SF3A3: variants seen among roughly 807,000 people sequenced by gnomAD.
SF3A3 encodes the protein splicing factor 3a subunit 3.
In SF3A3, 9 loss-of-function variants were observed where a neutral mutation model predicts 85.8. The ratio of observed to expected loss-of-function variants is 0.10; its 90% CI spans 0.06 to 0.18. SF3A3 has a LOEUF of 0.18. Among genes scored for constraint, SF3A3 ranks in the 10% least tolerant of loss-of-function variants. SF3A3 has a pLI of 1.00. For missense variants in SF3A3, 306 were observed against 593.3 expected (o/e 0.52, Z 5.03); for synonymous variants, 195 against 204.4 (o/e 0.95, Z 0.39).
intron 12 of SF3A3, among the ~76,000 whole-genome samples, chr1:37,974,069 C>T (rs1403077142): frequency 1.3e-5 from 2 of 151,760 alleles, no homozygotes; most frequent in Admixed American, 6.6e-5. Context: ...CATCACACAT[C>T]GGGACCTGTT....
chr1:37,968,880 T>TA (rs957387336), intron 14 of SF3A3, among the ~76,000 whole-genome samples: 2 of 152,198 alleles, frequency 1.3e-5, no homozygotes, highest in African/African-American at 4.8e-5. Flanking sequence ...TGAGCCCACT[T>TA]ACAGCAGTAT....
chr1:37,971,047 C>A (rs556720854), intron 12 of SF3A3, among the ~76,000 whole-genome samples: 1 of 151,506 alleles, frequency 6.6e-6, no homozygotes, highest in Non-Finnish European at 1.5e-5. Context: ...AAAAACCCTT[C>A]AAAAAAAATC....
intron 6 of SF3A3, among the ~76,000 whole-genome samples, chr1:37,982,075 G>A (rs1646423095): frequency 7.3e-6 from 1 of 136,498 alleles, no homozygotes; most frequent in East Asian, 1.9e-4. Context: ...TAAAAGAAAC[G>A]TTTGTCGATT....
intron 1 of SF3A3, 57 bp from the exon 2 acceptor site, chr1:37,989,652 G>T (rs1044906278): frequency 1.3e-6 from 2 of 1,591,048 alleles, no homozygotes; most frequent in Middle Eastern, 1.7e-4. Context: ...AGTAGAAAAG[G>T]CCGCCCGAGG....
intron 15 of SF3A3, chr1:37,960,416 C>T (rs533689936): frequency 1.1e-4 from 53 of 471,994 alleles, no homozygotes; most frequent in African/African-American, 6.5e-4. Flanking sequence ...CAAAGACCTC[C>T]GAAAACAGAG....
chr1:37,988,741 A>G (rs933159737), intron 2 of SF3A3, among the ~76,000 whole-genome samples: 3 of 152,112 alleles, frequency 2.0e-5, no homozygotes, highest in African/African-American at 4.8e-5. Flanking sequence ...ACCCAGTTTA[A>G]ATAGCATCTT....
intron 15 of SF3A3, among the ~76,000 whole-genome samples, chr1:37,965,302 C>CAAAAAAAAAA (rs55747818): frequency 1.0e-5 from 1 of 100,418 alleles, no homozygotes; most frequent in African/African-American, 4.0e-5. Flanking sequence ...CCCATCGGCA[C>CAAAAAAAAAA]AAAAAAAAAA....
At chr1:37,980,840 T>C in intron 7 of SF3A3, 116 bp from the exon 8 acceptor site, 7 of 283,916 alleles carry the variant, frequency 2.5e-5, no homozygotes, top group East Asian at 1.3e-4. Flanking sequence ...TTTTTAATAC[T>C]CTTTTTTTTT....
At chr1:37,961,799 A>AGGCCGG (rs1247870736) in intron 15 of SF3A3, among the ~76,000 whole-genome samples, 2 of 148,830 alleles carry the variant, frequency 1.3e-5, no homozygotes, top group African/African-American at 4.9e-5. Flanking sequence ...AAAGAAAAAA[A>AGGCCGG]GGCCGGGCGC....
Position 37,989,557 on chromosome 1 carries a change from G to A in SF3A3, c.135C>T (p.Ala45=). 6.2e-7 allele frequency: 1 copy of A among 1,613,942 alleles called. No individual in the cohort carries two copies. Among genetic ancestry groups the A allele is most frequent in the Non-Finnish European group, 8.5e-7 (1 of 1,179,970 alleles). The change falls in exon 2 of 17, where the codon GCC becomes GCT. Residue 45 remains alanine, a synonymous_variant. Coordinates refer to ENST00000373019, the MANE Select transcript of SF3A3 (RefSeq NM_006802.4). ...ACAGCTGGGCACTCACATCTTGCAT[G>A]GCCCGAGTGCGGTGATCAGAATTGA... The part of the protein sequence containing the change: ...DQINSDHRTR[A]MQDRYMEVSG...
At chr1:37,963,562 C>CTT (rs900596842) in intron 15 of SF3A3, among the ~76,000 whole-genome samples, 3 of 144,600 alleles carry the variant, frequency 2.1e-5, no homozygotes, top group Admixed American at 6.9e-5. Flanking sequence ...AATGATAATT[C>CTT]TTTTTTTTTT....
rs1336340305 is a variant in SF3A3 at position 37,987,501 on chromosome 1, A to C, written c.303+72T>G. 3.7e-6 allele frequency: 4 copies of C among 1,086,992 alleles called. No individual in the cohort carries two copies. In the African/African-American group the frequency reaches 6.3e-5, roughly 17 times the overall value. 67.3% of individuals were successfully genotyped at this position (1,086,992 alleles called of 1,614,324 possible). On this transcript the variant is annotated intron_variant, in intron 4 of 16. Coordinates refer to ENST00000373019, the MANE Select transcript of SF3A3 (RefSeq NM_006802.4). ...AAGTGCATTTGAATAGCACATGTCC[A>C]GTTTCCTTTATACCTTTCCTTTAGT...
chr1:37,964,240 A>G (rs1646283106), intron 15 of SF3A3, among the ~76,000 whole-genome samples: 1 of 152,166 alleles, frequency 6.6e-6, no homozygotes, highest in South Asian at 2.1e-4. Flanking sequence ...TCTTTCTAGA[A>G]AGACTCTTAA....
At chr1:37,965,961 G>T (rs1472303318) in intron 15 of SF3A3, among the ~76,000 whole-genome samples, 1 of 152,158 alleles carries the variant, frequency 6.6e-6, no homozygotes, top group Non-Finnish European at 1.5e-5. Flanking sequence ...AGTACTTTGG[G>T]AAGCCAAGGC....
At chr1:37,984,673 G>A in intron 5 of SF3A3, 34 bp downstream of exon 5, 1 of 1,368,246 alleles carries the variant, frequency 7.3e-7, no homozygotes, top group East Asian at 2.3e-5. Context: ...CTGTATTTTT[G>A]CTGGTGCTGA....
At chr1:37,980,760 G>C (rs1646412441) in intron 7 of SF3A3, 36 bp from the exon 8 acceptor site, 1 of 1,543,620 alleles carries the variant, frequency 6.5e-7, no homozygotes. Context: ...AAAGCAAAAA[G>C]GGTTTCTATT....
intron 15 of SF3A3, among the ~76,000 whole-genome samples, chr1:37,965,325 T>G (rs990724420): frequency 8.3e-5 from 7 of 84,840 alleles, no homozygotes; most frequent in Admixed American, 3.8e-4. Flanking sequence ...AAAAAGAAAA[T>G]AAACTCAGAA....
intron 2 of SF3A3, among the ~76,000 whole-genome samples, chr1:37,989,140 C>G (rs1173511484): frequency 6.6e-6 from 1 of 151,754 alleles, no homozygotes; most frequent in East Asian, 1.9e-4. Flanking sequence ...ACTAAAAATA[C>G]AAAAATTAGC....
At chr1:37,989,410 T>C (rs1646478840) in intron 2 of SF3A3, 138 bp downstream of exon 2, 5 of 777,164 alleles carry the variant, frequency 6.4e-6, no homozygotes, top group Admixed American at 3.3e-5. Flanking sequence ...CCTGTGGACA[T>C]CTGTCCAGGC....
Sources: gnomAD v4.1 joint callset for allele counts (sites outside exome capture counted in the v4.1 genomes callset) on GRCh38, gnomAD v4.1.1 for gene constraint, MANE v1.5 for transcripts, NCBI Gene and HGNC (gene_info 2026-07-23, HGNC 2026-07-21) for gene names.